P4HA2: variants seen among roughly 807,000 people sequenced by gnomAD.
The protein encoded by P4HA2 is prolyl 4-hydroxylase subunit alpha 2, also known as prolyl 4-hydroxylase subunit alpha-2.
Under a neutral mutation model 76.9 loss-of-function variants are expected in P4HA2, and 46 were observed. The ratio of observed to expected loss-of-function variants is 0.60; its 90% CI spans 0.47 to 0.76. The LOEUF (loss-of-function observed/expected upper bound fraction) is 0.76. P4HA2 is among the 30% of genes least tolerant of loss of function. The pLI is 0.00. For missense variants in P4HA2, 583 were observed against 669.4 expected, an observed-to-expected ratio of 0.87 and a Z score of 1.42; for synonymous variants, 243 against 254.0, an observed-to-expected ratio of 0.96 and a Z score of 0.41.
chr5:132,222,493 G>A (rs1754780749), intron 1 of P4HA2, among the ~76,000 whole-genome samples: 1 of 152,064 alleles, frequency 6.6e-6, no homozygotes, highest in Non-Finnish European at 1.5e-5. Flanking sequence ...ATGTCATCTG[G>A]CCTTCCTCCC....
At position 132,213,996 on chromosome 5, in the gene P4HA2, A is replaced by G. The variant is rs202141478; in HGVS notation, c.389T>C (p.Ile130Thr). ...RQFFPTDEDE[I>T]GAAKALMRLQ... is the part of the protein sequence containing the mutation. Reference sequence around the variant, plus strand: ...TCTCATCAGGGCTTTGGCAGCTCCTATCTCGTCCTCATCAGTGGGGAAGAA... The same window carrying G: ...TCTCATCAGGGCTTTGGCAGCTCCTGTCTCGTCCTCATCAGTGGGGAAGAA... The change falls in exon 5 of 15, where the codon ATA becomes ACA. Residue 130 changes from isoleucine (I) to threonine (T), a missense_variant. Transcript: ENST00000360568. 12 of 1,613,976 alleles carry G rather than the reference A, an allele frequency of 7.4e-6. No individual in the cohort carries two copies. In the African/African-American group the frequency reaches 1.6e-4, roughly 22 times the overall value.
chr5:132,195,499 G>C lies in P4HA2; in HGVS notation c.1366-19C>G, dbSNP rs1750505850. On this transcript the variant is annotated intron_variant, in intron 12 of 14. Transcript: ENST00000360568. The stretch of plus-strand genomic sequence containing the variant: ...CACTCATCTGGAAATATAAGACATA[G>C]AGCTTGACCCTCCTACCCAAGGCTC... 1 of 1,593,714 alleles carries C rather than the reference G, an allele frequency of 6.3e-7. No homozygotes were observed. Among genetic ancestry groups the C allele is most frequent in the East Asian group, 2.2e-5 (1 of 44,800 alleles).
In P4HA2 at chr5:132,223,806, G is replaced by T. The variant is rs11952765; in HGVS notation, c.-19+3984C>A. Among the ~76,000 whole-genome samples the T allele has an allele frequency of 1.1e-3, 165 of 152,272 alleles. 1 individual carries two copies. Among genetic ancestry groups the T allele is most frequent in the African/African-American group, 3.9e-3 (162 of 41,528 alleles). The stretch of plus-strand genomic sequence containing the variant: ...GACAAACAGCTGAGGCTGAGAGAAG[G>T]TTTCCTACATATCTGACATCTGACA... On this transcript the variant is annotated intron_variant, in intron 1 of 14. Coordinates refer to ENST00000360568, the MANE Select transcript of P4HA2 (RefSeq NM_001017974.2).
intron 4 of P4HA2, among the ~76,000 whole-genome samples, chr5:132,215,506 T>C (rs897166257): frequency 3.3e-5 from 5 of 152,206 alleles, no homozygotes; most frequent in Admixed American, 6.5e-5. Flanking sequence ...CCGTGGTTTC[T>C]GGAGGCAGTG....
At chr5:132,204,319 C>A (rs1045176703) in intron 8 of P4HA2, among the ~76,000 whole-genome samples, 167 bp from the exon 9 acceptor site, 1 of 152,202 alleles carries the variant, frequency 6.6e-6, no homozygotes, top group African/African-American at 2.4e-5. Context: ...CAGTTGAGGG[C>A]AAGAGTCTGA....
intron 1 of P4HA2, among the ~76,000 whole-genome samples, chr5:132,226,065 C>T (rs4705926): frequency 0.35 from 53,270 of 152,028 alleles, 10,406 homozygotes; most frequent in Non-Finnish European, 0.45. Flanking sequence ...AGAGACTGGG[C>T]GCTGAGGCCC....
intron 12 of P4HA2, among the ~76,000 whole-genome samples, chr5:132,196,348 C>T (rs1341567043): frequency 6.6e-6 from 1 of 152,248 alleles, no homozygotes; most frequent in African/African-American, 2.4e-5. Context: ...ACTAGCCTCT[C>T]TCCAGACACA....
At chr5:132,195,988 G>A (rs1413728845) in intron 12 of P4HA2, among the ~76,000 whole-genome samples, 1 of 152,168 alleles carries the variant, frequency 6.6e-6, no homozygotes, top group African/African-American at 2.4e-5. Flanking sequence ...CCAACTGAGT[G>A]GAAGGGTGGG....
At chr5:132,195,103 G>T in intron 13 of P4HA2, 81 bp from the exon 14 acceptor site, 1 of 945,340 alleles carries the variant, frequency 1.1e-6, no homozygotes, top group Non-Finnish European at 1.7e-6. Flanking sequence ...CAGAAGCTCT[G>T]CCCTGAGCAG....
Position 132,198,053 on chromosome 5 carries a change from C to T in P4HA2, c.1365+268G>A, listed in dbSNP as rs374899471. ...GAAAATGAATAGAAACAGAGGCCAACTCTCCCTACTGCAGCCAAGAAGGGT... is the reference window on the plus strand; with the variant it reads ...GAAAATGAATAGAAACAGAGGCCAATTCTCCCTACTGCAGCCAAGAAGGGT... On this transcript the variant is annotated intron_variant, in intron 12 of 14. Transcript: ENST00000360568. The T allele has an allele frequency of 2.4e-4, 236 of 985,248 alleles. 3 individuals are homozygous for T. The South Asian group carries it at 9.8e-3, about 41-fold the overall frequency. 61.0% of individuals were successfully genotyped at this position (985,248 alleles called of 1,614,324 possible). A position where few individuals can be genotyped will look rare whatever the true frequency, so the allele number is the denominator to read the frequency against.
At position 132,197,390 on chromosome 5, in the gene P4HA2, C is replaced by T. The variant is rs542439814; in HGVS notation, c.1365+931G>A. On this transcript the variant is annotated intron_variant, in intron 12 of 14. Coordinates refer to ENST00000360568, the MANE Select transcript of P4HA2 (RefSeq NM_001017974.2). ...TGGGAGGCCGAGGGGGGCGGATCAC[C>T]TGAGGTCGGGAGTTTGAGACCAGCC... 5.3e-5 allele frequency among the ~76,000 whole-genome samples: 8 copies of T among 152,104 alleles called. No homozygotes were observed. The East Asian group carries it at 1.5e-3, about 29-fold the overall frequency.
chr5:132,198,474 T>C (rs1017458241), intron 11 of P4HA2, 94 bp from the exon 12 acceptor site: 3 of 1,154,738 alleles, frequency 2.6e-6, no homozygotes, highest in Non-Finnish European at 2.6e-6. Flanking sequence ...AAGTAATAAG[T>C]GTGTGTTCCA....
At chr5:132,204,223 G>A in intron 8 of P4HA2, 71 bp from the exon 9 acceptor site, 1 of 1,230,342 alleles carries the variant, frequency 8.1e-7, no homozygotes, top group Non-Finnish European at 1.2e-6. Context: ...TTTTCCCAGA[G>A]AGCACTGGGA....
At chr5:132,210,802 C>T (rs2126593266) in intron 5 of P4HA2, among the ~76,000 whole-genome samples, 1 of 152,204 alleles carries the variant, frequency 6.6e-6, no homozygotes, top group South Asian at 2.1e-4. Context: ...CAGAAACCCA[C>T]CAGGAAGCAT....
chr5:132,217,875 G>C, intron 2 of P4HA2, 27 bp from the exon 3 acceptor site: 1 of 1,400,994 alleles, frequency 7.1e-7, no homozygotes, highest in Non-Finnish European at 1.0e-6. Flanking sequence ...AAAGACACCA[G>C]TGAGAAACAG....
At chr5:132,210,586 C>T (rs781648889) in intron 5 of P4HA2, 63 bp from the exon 6 acceptor site, 129 of 1,585,996 alleles carry the variant, frequency 8.1e-5, no homozygotes, top group Middle Eastern at 1.7e-4. Context: ...AAGAGATTCC[C>T]ACTTCAAGGA....
chr5:132,194,682 T>C (rs1413569888), intron 14 of P4HA2, among the ~76,000 whole-genome samples: 1 of 152,242 alleles, frequency 6.6e-6, no homozygotes, highest in East Asian at 1.9e-4. Flanking sequence ...CTTATGCAGC[T>C]ATTCGTCCTC....
intron 10 of P4HA2, chr5:132,201,346 T>C (rs1751446210): frequency 6.6e-6 from 1 of 152,062 alleles, no homozygotes; most frequent in Non-Finnish European, 1.5e-5. Flanking sequence ...ACAGCAAACA[T>C]GTGAGCTACA....
intron 11 of P4HA2, 99 bp from the exon 12 acceptor site, chr5:132,198,479 G>C: frequency 8.9e-7 from 1 of 1,120,344 alleles, no homozygotes; most frequent in Non-Finnish European, 1.3e-6. Flanking sequence ...ATAAGTGTGT[G>C]TTCCATAAAT....
Sources: allele counts gnomAD v4.1 joint callset (sites outside exome capture counted in the v4.1 genomes callset), GRCh38; gene constraint gnomAD v4.1.1; transcripts MANE v1.5; gene names NCBI Gene and HGNC (gene_info 2026-07-23, HGNC 2026-07-21).